The following CMYA5 variants were observed in gnomAD, a reference collection of about 807,000 sequenced individuals.
CMYA5 encodes cardiomyopathy associated 5.
Under a neutral mutation model 318.9 loss-of-function variants are expected in CMYA5, and 246 were observed. That is an observed-to-expected ratio of 0.77 (90% CI 0.70 to 0.86). The LOEUF is 0.86. Ranked by LOEUF, CMYA5 falls within the 40% of genes least tolerant of loss-of-function variation. The probability of loss-of-function intolerance (pLI) is 0.00; values close to 1 mark genes in which losing one functional copy is unlikely to be tolerated. For synonymous variants in CMYA5, 1,641 were observed against 1,729.5 expected, an observed-to-expected ratio of 0.95 and a Z score of 1.27; for missense variants, 4,589 against 4,678.2, an observed-to-expected ratio of 0.98 and a Z score of 0.56.
In CMYA5 at chr5:79,731,833, C is replaced by G. The variant is rs780337024; in HGVS notation, c.3068C>G (p.Pro1023Arg). The G allele has an allele frequency of 1.2e-6, 2 of 1,613,142 alleles. No homozygotes were observed. The highest frequency in any genetic ancestry group is 1.7e-6 in the Non-Finnish European group (2 of 1,179,706). The change falls in exon 2 of 13, where the codon CCT (proline) becomes CGT (arginine). Residue 1023 changes from proline (P) to arginine (R), a missense_variant. Pro to Arg is a moderately radical substitution (Grantham distance 103). This residue lies in a region of CMYA5 where 2,132 missense variants were observed against 2,131.3 expected (regional missense o/e 1.00). Transcript: ENST00000446378. ...ISETEKNELE[P>R]DSLLTAVSAS... The stretch of plus-strand genomic sequence containing the variant: ...GAAACAGAGAAAAATGAACTTGAGC[C>G]TGATTCACTATTAACTGCAGTGTCT...
At chr5:79,768,316 T>G (rs1320276951) in intron 9 of CMYA5, among the ~76,000 whole-genome samples, 1 of 152,218 alleles carries the variant, frequency 6.6e-6, no homozygotes, top group Non-Finnish European at 1.5e-5. Context: ...GTTAATATTG[T>G]TTTATGTGAA....
intron 1 of CMYA5, among the ~76,000 whole-genome samples, chr5:79,704,412 C>T (rs1827230786): frequency 1.3e-5 from 2 of 151,994 alleles, no homozygotes. Flanking sequence ...TGAGCAGACC[C>T]TGTGTGCAAG....
intron 9 of CMYA5, among the ~76,000 whole-genome samples, chr5:79,771,935 A>T (rs1333587736): frequency 6.6e-6 from 1 of 152,198 alleles, no homozygotes; most frequent in Non-Finnish European, 1.5e-5. Flanking sequence ...AAACATAGAT[A>T]TGAAGAGAGA....
At chr5:79,766,633 C>T (rs1279864678) in intron 9 of CMYA5, among the ~76,000 whole-genome samples, 1 of 152,134 alleles carries the variant, frequency 6.6e-6, no homozygotes, top group Non-Finnish European at 1.5e-5. Flanking sequence ...GTTGAACCAG[C>T]CTTGCATCCC....
Position 79,734,198 on chromosome 5 carries a change from G to T in CMYA5, c.5433G>T (p.Lys1811Asn). Reference sequence around the variant, plus strand: ...TCCAGAGTATAACAGAACCATCAAAGATTGCTCCTTCTGACCTCCTTGTAG... The same window carrying T: ...TCCAGAGTATAACAGAACCATCAAATATTGCTCCTTCTGACCTCCTTGTAG... ...QVLQSITEPS[K>N]IAPSDLLVEQ... The change falls in exon 2 of 13, where the codon AAG becomes AAT. Residue 1811 changes from lysine to asparagine, a missense_variant. Lys to Asn is a moderately conservative substitution (Grantham distance 94, BLOSUM62 0). This residue lies in a region of CMYA5 where 2,132 missense variants were observed against 2,131.3 expected (regional missense o/e 1.00). Transcript: ENST00000446378. 6.2e-7 allele frequency: 1 copy of T among 1,613,766 alleles called. No individual in the cohort carries two copies. The highest frequency in any genetic ancestry group is 8.5e-7 in the Non-Finnish European group (1 of 1,179,796).
Position 79,781,737 on chromosome 5 carries a change from G to C in CMYA5, c.11556-7234G>C, listed in dbSNP as rs1003641199. Among the ~76,000 whole-genome samples the C allele has an allele frequency of 2.7e-4, 15 of 55,588 alleles. 3 individuals carry two copies. The highest frequency in any genetic ancestry group is 2.3e-3 in the African/African-American group (15 of 6,554). The allele number at this position is 55,588 out of a possible 152,430, so 36.5% of individuals were successfully genotyped here. On this transcript the variant is annotated intron_variant, in intron 9 of 12. Coordinates refer to ENST00000446378, the MANE Select transcript of CMYA5 (RefSeq NM_153610.5). The stretch of plus-strand genomic sequence containing the variant: ...TTGTAGGATTCTCTGATGGTAGTTT[G>C]TATTTCTGTGGGATCGGTGGTGATA...
At chr5:79,743,967 T>C in intron 3 of CMYA5, 45 bp downstream of exon 3, 1 of 957,900 alleles carries the variant, frequency 1.0e-6, no homozygotes, top group South Asian at 1.7e-5. Flanking sequence ...TTGTTCACAG[T>C]ATCAGAAGTA....
chr5:79,788,973 C>A lies in CMYA5; in HGVS notation c.11558C>A (p.Ser3853Tyr), dbSNP rs907830031. ...QHSPEGEGLR[S>Y]FSGIKGLQLK... ...TATTATTTTCCTCTTGTATTTAGATCTTTCTCTGGAATCAAAGGACTCCAG... is the reference window on the plus strand; with the variant it reads ...TATTATTTTCCTCTTGTATTTAGATATTTCTCTGGAATCAAAGGACTCCAG... Residue 3853 changes from serine to tyrosine, a missense_variant and splice_region_variant, in exon 10 of 13, where the codon TCT (serine) becomes TAT (tyrosine). Physicochemically the swap from Ser to Tyr is moderately radical, Grantham distance 144. Around this residue, in one of 3 missense-constraint regions of CMYA5, gnomAD observed 2,431 missense variants for 2,495.1 expected, o/e 0.97. Transcript: ENST00000446378. The A allele has an allele frequency of 6.2e-7, 1 of 1,613,098 alleles. No individual in the cohort carries two copies. Among genetic ancestry groups the A allele is most frequent in the Non-Finnish European group, 8.5e-7 (1 of 1,179,426 alleles).
chr5:79,777,729 T>G (rs972024032), intron 9 of CMYA5, among the ~76,000 whole-genome samples: 6 of 151,888 alleles, frequency 4.0e-5, no homozygotes, highest in South Asian at 2.1e-4. Flanking sequence ...GAGCCAAGGT[T>G]GTGCCATTGC....
At chr5:79,762,095 C>T (rs1828664388) in intron 8 of CMYA5, 138 bp downstream of exon 8, 2 of 966,860 alleles carry the variant, frequency 2.1e-6, no homozygotes, top group Non-Finnish European at 2.9e-6. Context: ...ACAACGATGA[C>T]TTAAGCCTGG....
chr5:79,697,451 C>G (rs1397097812), intron 1 of CMYA5, among the ~76,000 whole-genome samples: 2 of 152,218 alleles, frequency 1.3e-5, no homozygotes, highest in African/African-American at 2.4e-5. Flanking sequence ...TCTCCCTTAC[C>G]CTCATGCTTC....
chr5:79,791,483 G>T lies in CMYA5; in HGVS notation c.11789+414G>T, dbSNP rs144562357. Among the ~76,000 whole-genome samples, 992 of 152,202 alleles carry T rather than the reference G, an allele frequency of 6.5e-3. 6 individuals carry two copies. Among genetic ancestry groups the T allele is most frequent in the South Asian group, 0.021 (103 of 4,806 alleles). On this transcript the variant is annotated intron_variant, in intron 11 of 12. Transcript: ENST00000446378. ...CTCCTGTAATCCCAGCACTTTGGGA[G>T]GCCAAGGCAGGCAGATCATTTGAGT...
chr5:79,701,091 A>AAAAAAAC (rs1827167286), intron 1 of CMYA5, among the ~76,000 whole-genome samples: 1 of 33,550 alleles, frequency 3.0e-5, no homozygotes, highest in Admixed American at 2.2e-4. Flanking sequence ...CTAAAAATAC[A>AAAAAAAC]AAAAAAAAAA....
chr5:79,735,469 ATCAT>A lies in CMYA5; in HGVS notation c.6710_6713del (p.Ser2237TyrfsTer4). On this transcript the variant is annotated frameshift_variant, in exon 2 of 13. Transcript: ENST00000446378. LOFTEE classifies it high-confidence loss of function. ...TTTAATGTAGCTGAGAAACCAGCTG[ATCAT>A]TCATTATCAGAGGTAAAACTTAAAA... 3.1e-6 allele frequency: 5 copies of A among 1,613,776 alleles called. No individual in the cohort carries two copies. Among genetic ancestry groups the A allele is most frequent in the Non-Finnish European group, 4.2e-6 (5 of 1,179,708 alleles).
At chr5:79,754,781 T>G (rs1828496399) in intron 6 of CMYA5, among the ~76,000 whole-genome samples, 1 of 152,118 alleles carries the variant, frequency 6.6e-6, no homozygotes, top group Non-Finnish European at 1.5e-5. Flanking sequence ...TCCAGAACTC[T>G]TCATCTTGCA....
intron 9 of CMYA5, among the ~76,000 whole-genome samples, chr5:79,788,646 T>A (rs1829122469): frequency 6.6e-6 from 1 of 152,178 alleles, no homozygotes; most frequent in Admixed American, 6.5e-5. Context: ...AAAAGTGCCC[T>A]CTGGCCAGAA....
intron 1 of CMYA5, among the ~76,000 whole-genome samples, chr5:79,700,896 G>T (rs1274546196): frequency 6.6e-6 from 1 of 151,950 alleles, no homozygotes; most frequent in African/African-American, 2.4e-5. Flanking sequence ...GTTACTACAG[G>T]CCAGGAAGGG....
Position 79,733,572 on chromosome 5 carries a change from C to A in CMYA5, c.4807C>A (p.Gln1603Lys), listed in dbSNP as rs1257629499. The change falls in exon 2 of 13, where the codon CAG becomes AAG. Residue 1603 changes from glutamine (Q) to lysine (K), a missense_variant. By Grantham distance (53) the Gln-to-Lys change is moderately conservative. This residue lies in a region of CMYA5 where 2,132 missense variants were observed against 2,131.3 expected (regional missense o/e 1.00). Coordinates refer to ENST00000446378, the MANE Select transcript of CMYA5 (RefSeq NM_153610.5). Reference protein sequence around the residue: ...KPAVEVSSTAQGDFPSEKQDV... With the variant: ...KPAVEVSSTAKGDFPSEKQDV... ...GGCAGTGGAGGTATCTTCTACAGCT[C>A]AGGGAGACTTCCCATCAGAAAAACA... 2 of 1,613,830 alleles carry A rather than the reference C, an allele frequency of 1.2e-6. No homozygotes were observed. The highest frequency in any genetic ancestry group is 2.7e-5 in the African/African-American group (2 of 75,012).
intron 1 of CMYA5, among the ~76,000 whole-genome samples, chr5:79,719,631 T>C (rs1208843295): frequency 1.3e-5 from 2 of 152,206 alleles, no homozygotes; most frequent in African/African-American, 4.8e-5. Context: ...CTCATTTCCT[T>C]CCTACCGTGC....
Sources: gnomAD v4.1 joint callset for allele counts (sites outside exome capture counted in the v4.1 genomes callset) on GRCh38, gnomAD v4.1.1 for gene constraint, gnomAD v4.1.1 regional missense constraint, MANE v1.5 for transcripts, NCBI Gene and HGNC (gene_info 2026-07-23, HGNC 2026-07-21) for gene names.